The following ABHD2 variants were observed in gnomAD, a reference collection of about 807,000 sequenced individuals.
The protein encoded by ABHD2 is abhydrolase domain containing 2, acylglycerol lipase.
Under a neutral mutation model 48.1 loss-of-function variants are expected in ABHD2, and 20 were observed. The observed-to-expected ratio is 0.42, with a 90% CI of 0.29 to 0.60. The LOEUF (loss-of-function observed/expected upper bound fraction) is 0.60, where lower values mean the gene tolerates loss of function less well. Among genes scored for constraint, ABHD2 ranks in the 20% least tolerant of loss-of-function variants. The pLI, the probability that ABHD2 is intolerant of heterozygous loss-of-function variation, is 0.24. For synonymous variants in ABHD2, 209 were observed against 214.2 expected (o/e 0.98, Z 0.21); for missense variants, 405 against 550.9 (o/e 0.74, Z 2.65).
chr15:89,135,421 A>G, intron 3 of ABHD2: 1 of 614,288 alleles, frequency 1.6e-6, no homozygotes, highest in Non-Finnish European at 2.9e-6. Flanking sequence ...AAAAAAAGAC[A>G]TTGTACAGTT....
intron 1 of ABHD2, among the ~76,000 whole-genome samples, chr15:89,095,976 GA>G (rs1312715893): frequency 6.6e-6 from 1 of 152,188 alleles, no homozygotes; most frequent in African/African-American, 2.4e-5. Flanking sequence ...CCACTATAGA[GA>G]AAAATACAGA....
At chr15:89,070,439 A>G in the ABHD2 span, among the ~76,000 whole-genome samples, 28 of 152,222 alleles carry the variant, frequency 1.8e-4, no homozygotes, top group Non-Finnish European at 2.8e-4. Flanking sequence ...TACAAGCATC[A>G]GACATTAAGT....
chr15:89,125,249 C>T (rs1236116964), intron 3 of ABHD2, among the ~76,000 whole-genome samples: 4 of 145,770 alleles, frequency 2.7e-5, no homozygotes, highest in Non-Finnish European at 3.0e-5. Context: ...AGGGAGACTC[C>T]ATGTCAAAAA....
the ABHD2 span, among the ~76,000 whole-genome samples, chr15:89,068,196 GCACA>G: frequency 0.012 from 1,779 of 149,328 alleles, 23 homozygotes; most frequent in East Asian, 0.076. Context: ...ATGTGCGCGT[GCACA>G]CACACACACA....
At chr15:89,148,708 A>G (rs1429606595) in intron 3 of ABHD2, among the ~76,000 whole-genome samples, 6 of 152,224 alleles carry the variant, frequency 3.9e-5, no homozygotes, top group African/African-American at 1.4e-4. Context: ...AAGCCCAGAG[A>G]AGCCACAGGC....
intron 3 of ABHD2, among the ~76,000 whole-genome samples, chr15:89,122,578 G>A (rs563175282): frequency 2.6e-5 from 4 of 152,272 alleles, no homozygotes; most frequent in Admixed American, 2.6e-4. Context: ...CCTGTTTCTG[G>A]AAGAAGATGG....
Position 89,114,167 on chromosome 15 carries a change from G to C in ABHD2, c.-7+343G>C, listed in dbSNP as rs1301447072. ...AGCCTTTGTTTGGCATCCGTGGCAG[G>C]GTTTGGACAAGGTGAGGAATGGCAG... is the stretch of plus-strand genomic sequence containing the variant. On this transcript the variant is annotated intron_variant, in intron 2 of 10. Coordinates refer to ENST00000352732, the MANE Select transcript of ABHD2 (RefSeq NM_152924.5). This position sits in a 1 kb window ranked among gnomAD's most constrained non-coding sequence, Gnocchi z 4.2. Among the ~76,000 whole-genome samples the C allele has an allele frequency of 6.6e-6, 1 of 152,190 alleles. No homozygotes were observed. The highest frequency in any genetic ancestry group is 2.4e-5 in the African/African-American group (1 of 41,438).
chr15:89,141,500 G>A (rs1468456047), intron 3 of ABHD2, among the ~76,000 whole-genome samples: 1 of 152,204 alleles, frequency 6.6e-6, no homozygotes, highest in Non-Finnish European at 1.5e-5. Flanking sequence ...AGGCATGGTG[G>A]CGTGCGCCTG....
At chr15:89,052,564 C>CG in the ABHD2 span, among the ~76,000 whole-genome samples, 2 of 151,690 alleles carry the variant, frequency 1.3e-5, no homozygotes, top group Middle Eastern at 6.8e-3. Context: ...GACAGACACA[C>CG]ACACACACAC....
intron 5 of ABHD2, among the ~76,000 whole-genome samples, chr15:89,165,785 C>T (rs1015317566): frequency 6.6e-6 from 1 of 152,200 alleles, no homozygotes; most frequent in African/African-American, 2.4e-5. Flanking sequence ...TTGGCTTACT[C>T]TTTATTGACT....
At chr15:89,083,502 G>A (rs184140599), upstream of ABHD2, among the ~76,000 whole-genome samples, 56 of 152,310 alleles carry the variant, frequency 3.7e-4, 1 homozygote, top group East Asian at 9.3e-3. This position sits in a 1 kb window ranked among gnomAD's most constrained non-coding sequence, Gnocchi z 5.1. Flanking sequence ...GTGCGTGTAT[G>A]TGTGTTTGTG....
chr15:89,068,718 C>G, the ABHD2 span, among the ~76,000 whole-genome samples: 1 of 145,314 alleles, frequency 6.9e-6, no homozygotes, highest in Admixed American at 6.9e-5. Context: ...CAGAGTTTTC[C>G]CAGGTTCAAG....
chr15:89,125,769 C>T (rs964459014), intron 3 of ABHD2, among the ~76,000 whole-genome samples: 2 of 152,134 alleles, frequency 1.3e-5, no homozygotes, highest in African/African-American at 4.8e-5. Flanking sequence ...AAGGGGCCAG[C>T]CACATCAGGA....
At chr15:89,059,256 C>T in the ABHD2 span, among the ~76,000 whole-genome samples, 1 of 152,146 alleles carries the variant, frequency 6.6e-6, no homozygotes, top group Non-Finnish European at 1.5e-5. Flanking sequence ...CATCTGCCCA[C>T]CCAGGCGAGC....
At chr15:89,138,906 G>T (rs1452867713) in intron 3 of ABHD2, among the ~76,000 whole-genome samples, 2 of 149,838 alleles carry the variant, frequency 1.3e-5, no homozygotes, top group African/African-American at 2.5e-5. Context: ...AGACACCATT[G>T]CTCAGAATTG....
chr15:89,194,526 G>T (rs2051362920), intron 10 of ABHD2, among the ~76,000 whole-genome samples: 1 of 152,110 alleles, frequency 6.6e-6, no homozygotes, highest in Admixed American at 6.5e-5. Context: ...GAGAGCTTGG[G>T]CATCTTTTAA....
At chr15:89,191,207 A>C in intron 9 of ABHD2, 58 bp downstream of exon 9, 2 of 1,537,032 alleles carry the variant, frequency 1.3e-6, no homozygotes, top group Non-Finnish European at 1.8e-6. Context: ...CGCACACAAT[A>C]CGACAGATAC....
chr15:89,165,479 G>A (rs1037893953), intron 5 of ABHD2, among the ~76,000 whole-genome samples: 3 of 152,052 alleles, frequency 2.0e-5, no homozygotes, highest in Admixed American at 6.5e-5. Context: ...TGTGCCAAGC[G>A]AGGTGGCATG....
chr15:89,054,517 C>A, the ABHD2 span, among the ~76,000 whole-genome samples: 3 of 151,350 alleles, frequency 2.0e-5, no homozygotes, highest in Non-Finnish European at 2.9e-5. Context: ...CCCATCTCTA[C>A]TAAAAATACA....
Sources: gnomAD v4.1 joint callset for allele counts (sites outside exome capture counted in the v4.1 genomes callset) on GRCh38, gnomAD v4.1.1 for gene constraint, Gnocchi (gnomAD v3.1) non-coding constraint, MANE v1.5 for transcripts, NCBI Gene and HGNC (gene_info 2026-07-23, HGNC 2026-07-21) for gene names.